Variants in NDUFAF6 observed in about 807,000 individuals in gnomAD.
NDUFAF6 encodes NADH dehydrogenase (ubiquinone) complex I, assembly factor 6.
NDUFAF6 carries 45 observed loss-of-function variants against 40.8 expected under a neutral mutation model. The observed-to-expected ratio is 1.10, with a 90% confidence interval of 0.87 to 1.42. The LOEUF (loss-of-function observed/expected upper bound fraction) is 1.42, where lower values mean the gene tolerates loss of function less well. NDUFAF6 is among the 40% of genes most tolerant of loss of function. NDUFAF6 has a pLI of 0.00. For synonymous variants in NDUFAF6, 185 were observed against 155.9 expected, an observed-to-expected ratio of 1.19 and a Z score of -1.39; for missense variants, 435 against 418.5, an observed-to-expected ratio of 1.04 and a Z score of -0.34.
intron 2 of NDUFAF6, among the ~76,000 whole-genome samples, chr8:95,012,849 A>C (rs1267536094): frequency 1.3e-5 from 2 of 151,988 alleles, no homozygotes; most frequent in Non-Finnish European, 2.9e-5. Flanking sequence ...AACCCCTTTT[A>C]ATGGGTAATA....
chr8:94,947,304 G>A (rs1203361094), intron 2 of NDUFAF6, among the ~76,000 whole-genome samples: 2 of 146,186 alleles, frequency 1.4e-5, no homozygotes, highest in Non-Finnish European at 3.0e-5. Context: ...AAAAAAACCC[G>A]CAAGTTTGAT....
rs182129324 is a variant in NDUFAF6, at chr8:94,980,513, G to A, written c.-198-346G>A. On this transcript the variant is annotated intron_variant, in intron 1 of 9. Transcript: ENST00000396111. ...AACTGGAGTGCAGTGGTGTGATCTC[G>A]GCTCACTGCAACCTCCACTTCCTGG... 4.3e-5 allele frequency among the ~76,000 whole-genome samples: 6 copies of A among 138,744 alleles called. No individual in the cohort carries two copies. The East Asian group carries it at 6.3e-4, about 15-fold the overall frequency. 91.0% of individuals were successfully genotyped at this position (138,744 alleles called of 152,430 possible). A position where few individuals can be genotyped will look rare whatever the true frequency, so the allele number is the denominator to read the frequency against.
chr8:94,988,913 A>G (rs1826066038), intron 2 of NDUFAF6: 1 of 152,280 alleles, frequency 6.6e-6, no homozygotes, highest in African/African-American at 2.4e-5. Flanking sequence ...CATTATGCTA[A>G]GTGAAAGAAG....
At chr8:95,038,103 C>T (rs1213496586) in intron 3 of NDUFAF6, among the ~76,000 whole-genome samples, 2 of 152,178 alleles carry the variant, frequency 1.3e-5, no homozygotes, top group East Asian at 1.9e-4. Flanking sequence ...CTCTCCTTGC[C>T]TCCTGGCCAT....
chr8:95,006,264 A>G (rs2131659990), intron 2 of NDUFAF6, among the ~76,000 whole-genome samples: 1 of 146,806 alleles, frequency 6.8e-6, no homozygotes, highest in Middle Eastern at 3.6e-3. Flanking sequence ...AGGCTGAGGC[A>G]GAATTGCTTG....
intron 2 of NDUFAF6, among the ~76,000 whole-genome samples, chr8:95,091,203 G>A (rs556515337): frequency 2.6e-5 from 4 of 152,180 alleles, no homozygotes; most frequent in African/African-American, 9.6e-5. Flanking sequence ...ATTTATAAAG[G>A]AAAGAGGTTT....
upstream of NDUFAF6, among the ~76,000 whole-genome samples, chr8:95,098,628 C>G (rs553898211): frequency 5.3e-5 from 8 of 152,338 alleles, no homozygotes; most frequent in South Asian, 1.7e-3. Context: ...CGAGATCGCA[C>G]CACTGCACTC....
chr8:94,993,302 C>T (rs531025384), intron 2 of NDUFAF6, among the ~76,000 whole-genome samples: 159 of 152,318 alleles, frequency 1.0e-3, no homozygotes, highest in African/African-American at 3.6e-3. Context: ...CCAGAGGCAC[C>T]AAAAGTTAGG....
chr8:94,906,303 G>A (rs535722848), intron 1 of NDUFAF6, among the ~76,000 whole-genome samples: 68 of 152,214 alleles, frequency 4.5e-4, no homozygotes, highest in Non-Finnish European at 8.2e-4. Context: ...CATCCCACAC[G>A]TCCCTTTCCC....
upstream of NDUFAF6, among the ~76,000 whole-genome samples, chr8:95,024,615 C>T (rs749291249): frequency 6.6e-5 from 10 of 152,226 alleles, no homozygotes; most frequent in Non-Finnish European, 1.3e-4. Context: ...GCCAAGGCAG[C>T]CCCTGTTGAG....
At chr8:95,054,625 G>T (rs985696980) in intron 8 of NDUFAF6, among the ~76,000 whole-genome samples, 1 of 151,916 alleles carries the variant, frequency 6.6e-6, no homozygotes, top group Admixed American at 6.6e-5. Context: ...AGTAGAGGAG[G>T]GGTTTCCCCA....
chr8:95,064,689 G>C lies in NDUFAF6; in HGVS notation c.*512-10944G>C, dbSNP rs78822760. On this transcript the variant is annotated intron_variant and NMD_transcript_variant, in intron 9 of 9. Coordinates refer to the NDUFAF6 transcript ENST00000520757. Reference sequence around the variant, plus strand: ...CGGAAAACAATCTCTCTGACCTTCTGCTCTCCCTTCACCTGCTCCTTTTTT... The same window carrying C: ...CGGAAAACAATCTCTCTGACCTTCTCCTCTCCCTTCACCTGCTCCTTTTTT... Among the ~76,000 whole-genome samples, 574 of 148,490 alleles carry C rather than the reference G, an allele frequency of 3.9e-3. 3 individuals carry two copies. Among genetic ancestry groups the C allele is most frequent in the African/African-American group, 0.013 (549 of 41,344 alleles).
intron 1 of NDUFAF6, among the ~76,000 whole-genome samples, chr8:94,977,853 G>A (rs1367882081): frequency 6.6e-5 from 10 of 152,196 alleles, no homozygotes; most frequent in African/African-American, 2.2e-4. Context: ...GGGGAGTAGT[G>A]GGCAATGAAC....
intron 1 of NDUFAF6, among the ~76,000 whole-genome samples, chr8:94,910,878 GTA>G (rs1818736556): frequency 5.1e-4 from 5 of 9,710 alleles, no homozygotes; most frequent in South Asian, 4.1e-3. Flanking sequence ...TTCATCTATA[GTA>G]TAGTATAGAA....
intron 2 of NDUFAF6, among the ~76,000 whole-genome samples, chr8:95,081,721 T>A (rs555527059): frequency 4.6e-5 from 7 of 152,322 alleles, no homozygotes; most frequent in African/African-American, 1.7e-4. Context: ...GTTTTTCCCA[T>A]CCAAGATCAC....
rs537756676 is a variant in NDUFAF6, at chr8:95,007,108, AC to A, written c.-83-24886del. Among the ~76,000 whole-genome samples the A allele has an allele frequency of 2.9e-3, 443 of 152,212 alleles. 1 individual carries two copies. Among genetic ancestry groups the A allele is most frequent in the African/African-American group, 9.6e-3 (399 of 41,526 alleles). On this transcript the variant is annotated intron_variant, in intron 2 of 9. Coordinates refer to the NDUFAF6 transcript ENST00000396111. ...TATAGTTCCTTTGGCTTATACAAAA[AC>A]GCTCCTGCTACCTCATGGAAGTATT...
exon 10 of NDUFAF6, chr8:95,075,661 T>C (rs1272003376): frequency 7.8e-7 from 1 of 1,288,424 alleles, no homozygotes; most frequent in East Asian, 5.5e-5. Context: ...ACTCAGGGCG[T>C]GTGTCTTGCA....
chr8:94,967,542 ACAG>A (rs965296912), intron 1 of NDUFAF6, among the ~76,000 whole-genome samples: 3 of 152,162 alleles, frequency 2.0e-5, no homozygotes, highest in Non-Finnish European at 4.4e-5. Context: ...GAGGCTTAAA[ACAG>A]CAAGTATTTA....
chr8:94,937,331 C>G (rs866873287), intron 1 of NDUFAF6, among the ~76,000 whole-genome samples: 11 of 151,564 alleles, frequency 7.3e-5, no homozygotes, highest in African/African-American at 2.4e-4. Context: ...ATCCCAGCTA[C>G]TTGGGAGGCT....
Sources: gnomAD v4.1 joint callset for allele counts (sites outside exome capture counted in the v4.1 genomes callset) on GRCh38, gnomAD v4.1.1 for gene constraint, MANE v1.5 for transcripts, NCBI Gene and HGNC (gene_info 2026-07-23, HGNC 2026-07-21) for gene names.